Variants in PRDM5 observed in about 807,000 individuals in gnomAD.
PRDM5 encodes the protein PR domain zinc finger protein 5.
PRDM5 carries 56 observed loss-of-function variants against 81.2 expected under a neutral mutation model. That is an observed-to-expected ratio of 0.69 (90% CI 0.56 to 0.86). The LOEUF is 0.86. PRDM5 is among the 40% of genes least tolerant of loss of function. The pLI is 0.00. For synonymous variants in PRDM5, 267 were observed against 256.4 expected, an observed-to-expected ratio of 1.04 and a Z score of -0.39; for missense variants, 697 against 770.1, an observed-to-expected ratio of 0.91 and a Z score of 1.12.
intron 2 of PRDM5, among the ~76,000 whole-genome samples, chr4:120,863,191 T>TATATAC (rs1553997193): frequency 3.7e-4 from 26 of 70,318 alleles, no homozygotes; most frequent in South Asian, 1.1e-3. Flanking sequence ...TATATATATA[T>TATATAC]ACACACACAC....
At chr4:120,868,264 T>C (rs985260828) in intron 2 of PRDM5, among the ~76,000 whole-genome samples, 1 of 152,218 alleles carries the variant, frequency 6.6e-6, no homozygotes, top group African/African-American at 2.4e-5. Flanking sequence ...AAAGAAAATA[T>C]GGCATATATA....
In PRDM5 at chr4:120,767,695, A is replaced by C. The variant is rs561241575; in HGVS notation, c.1537+9493T>G. On this transcript the variant is annotated intron_variant, in intron 13 of 15. Transcript: ENST00000264808. The stretch of plus-strand genomic sequence containing the variant: ...TATGTTACTGCCCACTATAAAGCTG[A>C]CTAGCAGAAAATGAACAAGTGAATG... 2.5e-3 allele frequency among the ~76,000 whole-genome samples: 381 copies of C among 152,328 alleles called. 1 individual carries two copies. The highest frequency in any genetic ancestry group is 4.1e-3 in the Non-Finnish European group (276 of 68,024).
intron 7 of PRDM5, among the ~76,000 whole-genome samples, chr4:120,815,333 A>G (rs533932149): frequency 9.2e-5 from 14 of 152,196 alleles, no homozygotes; most frequent in Non-Finnish European, 1.9e-4. Flanking sequence ...TTCAAAAGGA[A>G]AGAAAGAAAC....
intron 2 of PRDM5, among the ~76,000 whole-genome samples, chr4:120,906,326 C>G (rs1393392555): frequency 6.6e-6 from 1 of 152,142 alleles, no homozygotes; most frequent in Non-Finnish European, 1.5e-5. Context: ...GCCTCCATTA[C>G]TCAGTACAGT....
chr4:120,730,764 G>A (rs1740132867), intron 14 of PRDM5, among the ~76,000 whole-genome samples: 1 of 150,618 alleles, frequency 6.6e-6, no homozygotes, highest in Non-Finnish European at 1.5e-5. Flanking sequence ...TGGTGGTGAA[G>A]CAACAATCAG....
At chr4:120,805,435 C>T (rs142003211) in intron 8 of PRDM5, among the ~76,000 whole-genome samples, 2,761 of 152,188 alleles carry the variant, frequency 0.018, 34 homozygotes, top group Middle Eastern at 0.031. Flanking sequence ...TGAAGAACAT[C>T]GATGCAAAAA....
At chr4:120,744,312 C>T (rs1449902956) in intron 14 of PRDM5, among the ~76,000 whole-genome samples, 2 of 152,160 alleles carry the variant, frequency 1.3e-5, no homozygotes, top group East Asian at 1.9e-4. Flanking sequence ...GCACTAAATG[C>T]CCACAAGAGA....
intron 9 of PRDM5, among the ~76,000 whole-genome samples, 159 bp downstream of exon 9, chr4:120,799,502 A>G (rs1191743610): frequency 6.6e-6 from 1 of 152,210 alleles, no homozygotes; most frequent in Admixed American, 6.5e-5. Context: ...ACTGAGGACT[A>G]AAGAATTAAA....
chr4:120,814,256 GC>G (rs545893351), intron 7 of PRDM5, among the ~76,000 whole-genome samples: 277 of 152,196 alleles, frequency 1.8e-3, no homozygotes, highest in African/African-American at 6.0e-3. Context: ...CACTCTACCA[GC>G]TCCCCTAGGC....
chr4:120,799,590 A>C, intron 9 of PRDM5, 71 bp downstream of exon 9: 1 of 1,568,322 alleles, frequency 6.4e-7, no homozygotes, highest in South Asian at 1.2e-5. Context: ...CCACTCTTAG[A>C]GTTTATAAAA....
intron 13 of PRDM5, among the ~76,000 whole-genome samples, chr4:120,768,558 T>C (rs1036335426): frequency 2.0e-5 from 3 of 152,178 alleles, no homozygotes; most frequent in African/African-American, 4.8e-5. Context: ...GGTATTTATA[T>C]ATAATAAACA....
intron 3 of PRDM5, among the ~76,000 whole-genome samples, chr4:120,828,529 T>C (rs534601488): frequency 4.2e-4 from 64 of 152,136 alleles, no homozygotes; most frequent in Admixed American, 2.0e-3. Context: ...TATCAAATTA[T>C]GCAACTATAA....
chr4:120,791,976 A>G (rs932781146), intron 10 of PRDM5, among the ~76,000 whole-genome samples: 5 of 152,168 alleles, frequency 3.3e-5, no homozygotes, highest in Admixed American at 6.5e-5. Flanking sequence ...TTGATCTTAC[A>G]TTATCCAGCC....
chr4:120,819,773 C>T lies in PRDM5; in HGVS notation c.476-1246G>A, dbSNP rs72921569. ...AAATAAAATACAAAAACAAAGAAAA[C>T]ACAGAATAACACAGAAATAATTCCC... is the stretch of plus-strand genomic sequence containing the variant. On this transcript the variant is annotated intron_variant, in intron 4 of 15. Coordinates refer to ENST00000264808, the MANE Select transcript of PRDM5 (RefSeq NM_018699.4). Among the ~76,000 whole-genome samples, 651 of 152,154 alleles carry T rather than the reference C, an allele frequency of 4.3e-3. 2 individuals carry two copies. Among genetic ancestry groups the T allele is most frequent in the African/African-American group, 0.015 (611 of 41,512 alleles).
intron 14 of PRDM5, among the ~76,000 whole-genome samples, chr4:120,715,229 G>A (rs565596747): frequency 2.0e-5 from 3 of 152,142 alleles, no homozygotes; most frequent in East Asian, 3.9e-4. Context: ...TGAATCCTGA[G>A]GGCTATCATT....
intron 2 of PRDM5, among the ~76,000 whole-genome samples, chr4:120,882,664 C>T (rs553483112): frequency 1.2e-3 from 176 of 152,238 alleles, no homozygotes; most frequent in Non-Finnish European, 2.0e-3. Context: ...TATATTATTA[C>T]TAATCTACAA....
intron 10 of PRDM5, among the ~76,000 whole-genome samples, chr4:120,795,896 G>T (rs529668305): frequency 6.6e-6 from 1 of 152,170 alleles, no homozygotes; most frequent in African/African-American, 2.4e-5. Flanking sequence ...CTGAGTGACA[G>T]AGTGAGACTC....
intron 2 of PRDM5, among the ~76,000 whole-genome samples, chr4:120,901,631 AT>A (rs1561666196): frequency 6.6e-6 from 1 of 152,202 alleles, no homozygotes; most frequent in Non-Finnish European, 1.5e-5. Context: ...TTTTGTCCTA[AT>A]GTTCCTTGTG....
intron 10 of PRDM5, among the ~76,000 whole-genome samples, chr4:120,794,681 T>C (rs947187836): frequency 2.2e-4 from 33 of 152,050 alleles, no homozygotes; most frequent in African/African-American, 7.2e-4. Flanking sequence ...TGGAGTGCAG[T>C]AGCACAATCT....
Sources: gnomAD v4.1 joint callset for allele counts (sites outside exome capture counted in the v4.1 genomes callset) on GRCh38, gnomAD v4.1.1 for gene constraint, MANE v1.5 for transcripts, NCBI Gene and HGNC (gene_info 2026-07-23, HGNC 2026-07-21) for gene names.